The following ATP1A2 variants were observed in gnomAD, a reference collection of about 807,000 sequenced individuals.
ATP1A2 encodes sodium/potassium-transporting ATPase subunit alpha-2.
ATP1A2 carries 56 observed loss-of-function variants against 113.1 expected under a neutral mutation model. That is an observed-to-expected ratio of 0.49 (90% CI 0.40 to 0.62). The LOEUF is 0.62. ATP1A2 is among the 20% of genes least tolerant of loss of function. The pLI is 0.00. For missense variants in ATP1A2, 712 were observed against 1,357.8 expected (o/e 0.52, Z 7.47); for synonymous variants, 490 against 526.8 (o/e 0.93, Z 0.96).
chr1:160,118,480 C>T (rs1370196621), intron 1 of ATP1A2, among the ~76,000 whole-genome samples: 1 of 152,198 alleles, frequency 6.6e-6, no homozygotes, highest in Admixed American at 6.5e-5. Context: ...TCAATCCACT[C>T]AATTAAATGA....
At position 160,124,137 on chromosome 1, in the gene ATP1A2, T is replaced by A. The variant is rs2854248; in HGVS notation, c.495+81T>A. Reference sequence around the variant, plus strand: ...GCTCATCTTTTGTCAGCTCCCAGGCTCTAAGATAGAGATGGACAGAAAAGA... The same window carrying A: ...GCTCATCTTTTGTCAGCTCCCAGGCACTAAGATAGAGATGGACAGAAAAGA... On this transcript the variant is annotated intron_variant, in intron 5 of 22. Transcript: ENST00000361216. The A allele has an allele frequency of 0.35, 553,413 of 1,578,876 alleles. 99,535 individuals carry two copies. The highest frequency in any genetic ancestry group is 0.48 in the African/African-American group (35,667 of 74,254).
At chr1:160,134,692 T>C in intron 14 of ATP1A2, 72 bp downstream of exon 14, 4 of 1,608,260 alleles carry the variant, frequency 2.5e-6, no homozygotes, top group Non-Finnish European at 3.4e-6. Context: ...GGGTGTCCCC[T>C]GGGAGTATTT....
In ATP1A2 at chr1:160,130,586, G is replaced by A. The variant is rs1414742926; in HGVS notation, c.1816G>A (p.Ala606Thr). The A allele has an allele frequency of 1.2e-6, 2 of 1,614,160 alleles. No individual in the cohort carries two copies. Among genetic ancestry groups the A allele is most frequent in the Non-Finnish European group, 1.7e-6 (2 of 1,180,024 alleles). ...AGATGCTGTGGGCAAGTGCCGAAGCGCAGGCATCAAGGTACTGGCCTCCCA... is the reference window on the plus strand; with the variant it reads ...AGATGCTGTGGGCAAGTGCCGAAGCACAGGCATCAAGGTACTGGCCTCCCA... The part of the protein sequence containing the change: ...VPDAVGKCRS[A>T]GIKVIMVTGD... The change falls in exon 13 of 23, where the codon GCA becomes ACA. Residue 606 changes from alanine (A) to threonine (T), a missense_variant. Physicochemically the swap from Ala to Thr is moderately conservative, Grantham distance 58. Coordinates refer to ENST00000361216, the MANE Select transcript of ATP1A2 (RefSeq NM_000702.4).
At chr1:160,117,569 G>T (rs1481057572) in intron 1 of ATP1A2, among the ~76,000 whole-genome samples, 2 of 152,160 alleles carry the variant, frequency 1.3e-5, no homozygotes, top group Non-Finnish European at 2.9e-5. Flanking sequence ...GGTGAGGTGG[G>T]GGTATTTAGG....
chr1:160,131,951 C>T (rs1196585134), intron 13 of ATP1A2, among the ~76,000 whole-genome samples: 1 of 152,200 alleles, frequency 6.6e-6, no homozygotes, highest in African/African-American at 2.4e-5. Context: ...GACCGGAAAG[C>T]CTGAGCTCCT....
rs1001176901 is a variant in ATP1A2, at chr1:160,121,070, C to G, written c.117+60C>G. 9 of 1,603,480 alleles carry G rather than the reference C, an allele frequency of 5.6e-6. No homozygotes were observed. The African/African-American group carries it at 1.1e-4, about 19-fold the overall frequency. On this transcript the variant is annotated intron_variant, in intron 2 of 22. Coordinates refer to ENST00000361216, the MANE Select transcript of ATP1A2 (RefSeq NM_000702.4). ...CATGCTGGGAGAGCTGTCCCTGCAGCCCATTGCACTCAGAGAAACTCCGTG... is the reference window on the plus strand; with the variant it reads ...CATGCTGGGAGAGCTGTCCCTGCAGGCCATTGCACTCAGAGAAACTCCGTG...
At chr1:160,125,526 TG>T in intron 7 of ATP1A2, 1 of 489,058 alleles carries the variant, frequency 2.0e-6, no homozygotes, top group South Asian at 2.1e-5. Context: ...TTTCAGGTAT[TG>T]GGTTAAGAAC....
At chr1:160,116,226 GT>G (rs1172306879) in intron 1 of ATP1A2, among the ~76,000 whole-genome samples, 1 of 152,102 alleles carries the variant, frequency 6.6e-6, no homozygotes, top group Non-Finnish European at 1.5e-5. Flanking sequence ...CTGAAAGGAT[GT>G]TTGGCACTGT....
At chr1:160,121,493 A>G (rs1651396734) in intron 3 of ATP1A2, among the ~76,000 whole-genome samples, 2 of 152,170 alleles carry the variant, frequency 1.3e-5, no homozygotes, top group Admixed American at 6.5e-5. Context: ...AGGACTCCCT[A>G]TGACCCAGGC....
rs58989908 is a variant in ATP1A2, at chr1:160,127,211, A to C, written c.749-341A>C. Among the ~76,000 whole-genome samples, 623 of 152,368 alleles carry C rather than the reference A, an allele frequency of 4.1e-3. 2 individuals carry two copies. The highest frequency in any genetic ancestry group is 0.014 in the African/African-American group (583 of 41,578). ...AATGAGTGCTTTACTTTGTGTTCATAATATACTTTTGGATGGTATCAAGTA... is the reference window on the plus strand; with the variant it reads ...AATGAGTGCTTTACTTTGTGTTCATCATATACTTTTGGATGGTATCAAGTA... On this transcript the variant is annotated intron_variant, in intron 7 of 22. Coordinates refer to ENST00000361216, the MANE Select transcript of ATP1A2 (RefSeq NM_000702.4).
intron 6 of ATP1A2, 46 bp downstream of exon 6, chr1:160,124,476 C>T (rs1357874583): frequency 1.9e-6 from 3 of 1,573,704 alleles, no homozygotes; most frequent in Non-Finnish European, 2.6e-6. Flanking sequence ...AAGGAGAAGG[C>T]TGTGTGCAGA....
In ATP1A2 at chr1:160,143,024, C is replaced by CT. The variant is rs1652201834; in HGVS notation, c.*1703dup. The CT allele has an allele frequency of 6.6e-6, 1 of 152,164 alleles. No individual in the cohort carries two copies. The highest frequency in any genetic ancestry group is 2.4e-5 in the African/African-American group (1 of 41,434). The allele number at this position is 152,164 out of a possible 1,614,324, so 9.4% of individuals were successfully genotyped here. A position where few individuals can be genotyped will look rare whatever the true frequency, so the allele number is the denominator to read the frequency against. ...TTCTCTAAGCCTGGCTTAGAAGGCA[C>CT]TGGGAATGTCCTGTAGAGAGAGACC... On this transcript the variant is annotated 3_prime_UTR_variant, in exon 23 of 23. Transcript: ENST00000361216.
intron 13 of ATP1A2, among the ~76,000 whole-genome samples, chr1:160,131,079 CTA>C (rs756889003): frequency 8.5e-5 from 13 of 152,148 alleles, no homozygotes; most frequent in Non-Finnish European, 1.8e-4. Flanking sequence ...CTCCTCTGTG[CTA>C]TGTTTGTTCT....
At chr1:160,116,315 T>C (rs977982551) in intron 1 of ATP1A2, among the ~76,000 whole-genome samples, 1 of 151,992 alleles carries the variant, frequency 6.6e-6, no homozygotes, top group African/African-American at 2.4e-5. Flanking sequence ...GGGGTCCATT[T>C]TGAGGTTAGA....
At chr1:160,126,529 G>A (rs1426875245) in intron 7 of ATP1A2, among the ~76,000 whole-genome samples, 1 of 152,068 alleles carries the variant, frequency 6.6e-6, no homozygotes, top group East Asian at 1.9e-4. Flanking sequence ...GAGTGCAGTG[G>A]TGCAATCACA....
rs1192651700 is a variant in ATP1A2, at chr1:160,127,535, GC to G, written c.749-13del. The stretch of plus-strand genomic sequence containing the variant: ...GGAGCCACAAGGCACCCAACCTGAT[GC>G]CCCACCATGTTGCAGGCACTGCCAG... On this transcript the variant is annotated splice_polypyrimidine_tract_variant and intron_variant, in intron 7 of 22. Transcript: ENST00000361216. 11 of 1,613,914 alleles carry G rather than the reference GC, an allele frequency of 6.8e-6. No homozygotes were observed. The East Asian group carries it at 2.4e-4, about 36-fold the overall frequency.
intron 6 of ATP1A2, 122 bp from the exon 7 acceptor site, chr1:160,125,014 G>A: frequency 1.2e-6 from 1 of 800,616 alleles, no homozygotes; most frequent in East Asian, 2.5e-5. Flanking sequence ...TGTGATGAGG[G>A]CAAGTGTGAC....
intron 19 of ATP1A2, 91 bp from the exon 20 acceptor site, chr1:160,136,810 G>A (rs1651968276): frequency 1.9e-6 from 3 of 1,614,116 alleles, no homozygotes; most frequent in Middle Eastern, 3.3e-4. Context: ...CTGGGACTGG[G>A]GCTAGGGGTG....
intron 10 of ATP1A2, 40 bp from the exon 11 acceptor site, chr1:160,129,226 C>T (rs373024075): frequency 6.2e-7 from 1 of 1,613,948 alleles, no homozygotes; most frequent in Non-Finnish European, 8.5e-7. Flanking sequence ...CCACTCCCTT[C>T]CCTCCCATGC....
Sources: gnomAD v4.1 joint callset for allele counts (sites outside exome capture counted in the v4.1 genomes callset) on GRCh38, gnomAD v4.1.1 for gene constraint, MANE v1.5 for transcripts, NCBI Gene and HGNC (gene_info 2026-07-23, HGNC 2026-07-21) for gene names.